The following NRXN3 variants were observed in gnomAD, a reference collection of about 807,000 sequenced individuals.
NRXN3 encodes neurexin 3.
In NRXN3, 32 loss-of-function variants were observed where a neutral mutation model predicts 137.6. The ratio of observed to expected loss-of-function variants is 0.23; its 90% CI spans 0.18 to 0.31. The LOEUF (loss-of-function observed/expected upper bound fraction) is 0.31. NRXN3 is among the 10% of genes least tolerant of loss of function. The pLI, the probability that NRXN3 is intolerant of heterozygous loss-of-function variation, is 1.00. For synonymous variants in NRXN3, 798 were observed against 784.5 expected, an observed-to-expected ratio of 1.02 and a Z score of -0.29; for missense variants, 1,574 against 2,062.5, an observed-to-expected ratio of 0.76 and a Z score of 4.59.
Position 79,438,937 on chromosome 14 carries a change from C to T in NRXN3, c.3263-28284C>T, listed in dbSNP as rs2153565785. Among the ~76,000 whole-genome samples the T allele has an allele frequency of 2.0e-5, 3 of 152,356 alleles. No individual in the cohort carries two copies. In the Middle Eastern group the frequency reaches 0.01, roughly 518 times the overall value. ...GATTTGATATCTGTTGTAGATTAAGCCTGTTGCACACAGTTTCTACCCTGA... is the reference window on the plus strand; with the variant it reads ...GATTTGATATCTGTTGTAGATTAAGTCTGTTGCACACAGTTTCTACCCTGA... On this transcript the variant is annotated intron_variant, in intron 15 of 20. Coordinates refer to ENST00000335750, the MANE Select transcript of NRXN3 (RefSeq NM_001330195.2).
intron 15 of NRXN3, among the ~76,000 whole-genome samples, chr14:79,257,818 A>T (rs2077004124): frequency 6.6e-6 from 1 of 151,980 alleles, no homozygotes; most frequent in South Asian, 2.1e-4. Flanking sequence ...AATGTCCAGG[A>T]ACTCTCAATT....
At chr14:79,229,827 G>T (rs1416157397) in intron 15 of NRXN3, among the ~76,000 whole-genome samples, 1 of 113,764 alleles carries the variant, frequency 8.8e-6, no homozygotes, top group Non-Finnish European at 2.0e-5. Flanking sequence ...TGCAGCCACA[G>T]AACCTTGGGA....
At chr14:78,857,262 CT>C (rs1312793028) in intron 10 of NRXN3, among the ~76,000 whole-genome samples, 2 of 151,068 alleles carry the variant, frequency 1.3e-5, no homozygotes, top group African/African-American at 4.9e-5. Context: ...TGTAGATTTC[CT>C]TCCTTTTCAA....
At chr14:78,279,344 A>G (rs1355484847) in intron 3 of NRXN3, among the ~76,000 whole-genome samples, 1 of 152,242 alleles carries the variant, frequency 6.6e-6, no homozygotes, top group East Asian at 1.9e-4. Context: ...ACAAATATAT[A>G]TGCACACACA....
rs915037158 is a variant in NRXN3, at chr14:78,997,709, A to G, written c.3262+9568A>G. Among the ~76,000 whole-genome samples the G allele has an allele frequency of 2.0e-5, 3 of 152,328 alleles. No individual in the cohort carries two copies. In the East Asian group the frequency reaches 5.8e-4, roughly 29 times the overall value. On this transcript the variant is annotated intron_variant, in intron 15 of 20. Coordinates refer to ENST00000335750, the MANE Select transcript of NRXN3 (RefSeq NM_001330195.2). ...AGCAAAATGCATAGATCTTACATGC[A>G]TTATCACAAATGCTTATACCCAAGT...
chr14:79,855,779 C>T (rs1053152084), intron 20 of NRXN3, among the ~76,000 whole-genome samples: 1 of 152,048 alleles, frequency 6.6e-6, no homozygotes, highest in African/African-American at 2.4e-5. Context: ...GTAGTAGGTA[C>T]TGTGTTAACC....
At chr14:79,330,345 A>C (rs2091502622) in intron 15 of NRXN3, among the ~76,000 whole-genome samples, 1 of 152,080 alleles carries the variant, frequency 6.6e-6, no homozygotes, top group South Asian at 2.1e-4. Flanking sequence ...GTGGAGAGTG[A>C]TTTGATGTTG....
At chr14:78,645,572 T>G (rs1380383569) in intron 5 of NRXN3, 151 bp downstream of exon 5, 2 of 576,486 alleles carry the variant, frequency 3.5e-6, no homozygotes, top group Non-Finnish European at 5.7e-6. Context: ...CTTTGCAATT[T>G]CACGTGGAAA....
intron 10 of NRXN3, among the ~76,000 whole-genome samples, chr14:78,863,511 G>T (rs1203994189): frequency 6.6e-6 from 1 of 151,708 alleles, no homozygotes; most frequent in Non-Finnish European, 1.5e-5. Context: ...TTTTTGTCCC[G>T]ACCCTTGCTA....
intron 6 of NRXN3, among the ~76,000 whole-genome samples, chr14:78,692,004 T>C (rs1166056113): frequency 6.6e-6 from 1 of 152,194 alleles, no homozygotes; most frequent in Non-Finnish European, 1.5e-5. Flanking sequence ...AGAAAGGTGT[T>C]TGAAAACTCT....
intron 8 of NRXN3, among the ~76,000 whole-genome samples, chr14:78,717,704 G>T (rs1353516730): frequency 6.6e-6 from 1 of 152,120 alleles, no homozygotes; most frequent in African/African-American, 2.4e-5. Context: ...TGAAGCCCTA[G>T]TGTGTTCCAG....
At chr14:78,809,768 G>T (rs1863028) in intron 9 of NRXN3, among the ~76,000 whole-genome samples, 140,158 of 152,228 alleles carry the variant, frequency 0.92, 65,402 homozygotes, top group East Asian at 1. Flanking sequence ...GGTTAAGTAC[G>T]TCACTGAGCA....
intron 4 of NRXN3, among the ~76,000 whole-genome samples, chr14:78,317,135 G>C (rs1400176862): frequency 2.6e-5 from 4 of 152,200 alleles, no homozygotes; most frequent in Admixed American, 2.6e-4. Context: ...GTCAATCCCA[G>C]TCTGAGGGCA....
At chr14:79,709,721 A>T (rs1055182776) in intron 19 of NRXN3, among the ~76,000 whole-genome samples, 9 of 152,094 alleles carry the variant, frequency 5.9e-5, no homozygotes, top group African/African-American at 2.2e-4. Flanking sequence ...ACTATAATGC[A>T]CAATGAAATT....
intron 3 of NRXN3, among the ~76,000 whole-genome samples, chr14:78,294,342 G>A (rs973430377): frequency 2.6e-5 from 4 of 152,104 alleles, no homozygotes; most frequent in Non-Finnish European, 4.4e-5. Context: ...ATCACCTGAG[G>A]TCAGGAGTTC....
rs540836271 is a variant in NRXN3, at chr14:78,755,802, A to G, written c.2044+40663A>G. Among the ~76,000 whole-genome samples, 137 of 152,314 alleles carry G rather than the reference A, an allele frequency of 9.0e-4. 1 individual carries two copies. The highest frequency in any genetic ancestry group is 3.2e-3 in the African/African-American group (134 of 41,576). On this transcript the variant is annotated intron_variant, in intron 8 of 20. Coordinates refer to ENST00000335750, the MANE Select transcript of NRXN3 (RefSeq NM_001330195.2). ...CAAGTATACTATAGCTGATCTTGGC[A>G]TTACCAAAATGAATACTATCCTCAG...
At chr14:78,620,122 G>A (rs1229385079) in intron 4 of NRXN3, among the ~76,000 whole-genome samples, 1 of 152,172 alleles carries the variant, frequency 6.6e-6, no homozygotes, top group African/African-American at 2.4e-5. Flanking sequence ...TATTTTACAG[G>A]CATAAAGTTA....
intron 20 of NRXN3, among the ~76,000 whole-genome samples, chr14:79,814,812 G>A (rs1206052890): frequency 6.6e-6 from 1 of 152,058 alleles, no homozygotes; most frequent in African/African-American, 2.4e-5. Context: ...GAACTTTATG[G>A]AAATCTGCAA....
chr14:79,467,893 A>G lies in NRXN3; in HGVS notation c.3444+491A>G, dbSNP rs181409191. Among the ~76,000 whole-genome samples, 42 of 152,336 alleles carry G rather than the reference A, an allele frequency of 2.8e-4. 1 individual carries two copies. The highest frequency in any genetic ancestry group is 2.4e-3 in the Admixed American group (37 of 15,292). On this transcript the variant is annotated intron_variant, in intron 16 of 20. Transcript: ENST00000335750. ...TTGTAATGTGAAGGCAGCCACAGAC[A>G]ATACATTTTTTTGAAATGCATGAGA...
Sources: gnomAD v4.1 joint callset for allele counts (sites outside exome capture counted in the v4.1 genomes callset) on GRCh38, gnomAD v4.1.1 for gene constraint, MANE v1.5 for transcripts, NCBI Gene and HGNC (gene_info 2026-07-23, HGNC 2026-07-21) for gene names.